Variants in CADM1 observed in about 807,000 individuals in gnomAD.
CADM1 encodes the protein TSLC-1.
In CADM1, 15 loss-of-function variants were observed where a neutral mutation model predicts 53.1. The ratio of observed to expected loss-of-function variants is 0.28; its 90% confidence interval spans 0.19 to 0.44. The LOEUF (loss-of-function observed/expected upper bound fraction) is 0.44. Among genes scored for constraint, CADM1 ranks in the 20% least tolerant of loss-of-function variants. CADM1 has a pLI of 1.00. For missense variants in CADM1, 434 were observed against 611.3 expected (o/e 0.71, Z 3.06); for synonymous variants, 281 against 243.0 (o/e 1.16, Z -1.45).
chr11:115,428,571 C>A (rs1319388969), intron 1 of CADM1, among the ~76,000 whole-genome samples: 1 of 152,050 alleles, frequency 6.6e-6, no homozygotes, highest in African/African-American at 2.4e-5. Context: ...AGCTCTTATT[C>A]CCCAAATCAA....
chr11:115,228,733 C>T (rs922646432), intron 5 of CADM1, among the ~76,000 whole-genome samples: 8 of 151,556 alleles, frequency 5.3e-5, no homozygotes, highest in African/African-American at 9.7e-5. Flanking sequence ...AAAATGCCGA[C>T]GTAAATGGGA....
chr11:115,176,409 T>C lies in CADM1; in HGVS notation c.*65A>G. 1 of 1,605,178 alleles carries C rather than the reference T, an allele frequency of 6.2e-7. No homozygotes were observed. Among genetic ancestry groups the C allele is most frequent in the Non-Finnish European group, 8.5e-7 (1 of 1,174,396 alleles). ...CACACGAATTTCTCGCAAGTTCCAA[T>C]ATCACTGTCTCTTTATCATCTAAAT... On this transcript the variant is annotated 3_prime_UTR_variant, in exon 12 of 12. Coordinates refer to ENST00000331581, the MANE Select transcript of CADM1 (RefSeq NM_001301043.2).
chr11:115,472,343 G>A (rs1008199094), intron 1 of CADM1, among the ~76,000 whole-genome samples: 1 of 152,180 alleles, frequency 6.6e-6, no homozygotes, highest in African/African-American at 2.4e-5. Context: ...AAGAAAGTTG[G>A]ATCTGTGACA....
At chr11:115,278,462 T>C (rs1452962192) in intron 1 of CADM1, among the ~76,000 whole-genome samples, 1 of 152,002 alleles carries the variant, frequency 6.6e-6, no homozygotes, top group East Asian at 1.9e-4. Flanking sequence ...AAAGGACTGG[T>C]AGGAGTTAAG....
intron 5 of CADM1, 108 bp downstream of exon 5, chr11:115,229,005 G>A (rs1391973440): frequency 3.0e-6 from 3 of 1,011,308 alleles, no homozygotes; most frequent in Non-Finnish European, 4.5e-6. Context: ...GCAAAAATAA[G>A]AATTCTATGT....
chr11:115,414,681 A>G (rs1035668902), intron 1 of CADM1, among the ~76,000 whole-genome samples: 1 of 151,080 alleles, frequency 6.6e-6, no homozygotes, highest in African/African-American at 2.4e-5. Flanking sequence ...GAATAAATTC[A>G]GGCTAAACAC....
At position 115,209,670 on chromosome 11, in the gene CADM1, A is replaced by G. The variant is rs1274763029; in HGVS notation, c.995-13T>C. On this transcript the variant is annotated splice_polypyrimidine_tract_variant and intron_variant, in intron 7 of 11. Transcript: ENST00000331581. Reference sequence around the variant, plus strand: ...GTTGTGGGGGGATCTGGATAGAAAAAAAAAGGAAAATCAAACCCACAATGC... The same window carrying G: ...GTTGTGGGGGGATCTGGATAGAAAAGAAAAGGAAAATCAAACCCACAATGC... 3 of 1,612,420 alleles carry G rather than the reference A, an allele frequency of 1.9e-6. No individual in the cohort carries two copies. In the African/African-American group the frequency reaches 4.0e-5, roughly 22 times the overall value.
chr11:115,192,720 C>A (rs1939940479), intron 9 of CADM1, among the ~76,000 whole-genome samples: 1 of 152,074 alleles, frequency 6.6e-6, no homozygotes, highest in Admixed American at 6.6e-5. Flanking sequence ...GGCTTATTTC[C>A]TCGGGGAGGG....
chr11:115,450,355 C>T (rs543047096), intron 1 of CADM1, among the ~76,000 whole-genome samples: 1 of 152,250 alleles, frequency 6.6e-6, no homozygotes, highest in African/African-American at 2.4e-5. Flanking sequence ...TCCAGGCCTC[C>T]CACAGTTTTT....
intron 1 of CADM1, among the ~76,000 whole-genome samples, chr11:115,341,269 G>A (rs192801790): frequency 1.0e-3 from 153 of 152,194 alleles, no homozygotes; most frequent in Non-Finnish European, 1.6e-3. Context: ...TATTATTTCA[G>A]TGACTAGGAT....
intron 1 of CADM1, among the ~76,000 whole-genome samples, chr11:115,267,383 AT>A (rs1169302619): frequency 1.3e-5 from 2 of 152,214 alleles, no homozygotes; most frequent in Admixed American, 6.5e-5. Context: ...CAAGAGCTTC[AT>A]TTTTAGCAGC....
chr11:115,396,404 A>T (rs2135198226), intron 1 of CADM1, among the ~76,000 whole-genome samples: 1 of 152,308 alleles, frequency 6.6e-6, no homozygotes, highest in Admixed American at 6.5e-5. Context: ...CTCTTCAGAG[A>T]GCCAGGGTTG....
chr11:115,189,436 G>T (rs1939734981), intron 10 of CADM1, among the ~76,000 whole-genome samples: 1 of 152,202 alleles, frequency 6.6e-6, no homozygotes, highest in Non-Finnish European at 1.5e-5. Context: ...TCTTTGAGAA[G>T]ATCCAATTGC....
intron 1 of CADM1, among the ~76,000 whole-genome samples, chr11:115,250,454 T>G (rs1412076322): frequency 6.6e-6 from 1 of 152,130 alleles, no homozygotes; most frequent in East Asian, 1.9e-4. Context: ...TAACAACTAG[T>G]GTAAGATATT....
chr11:115,300,509 A>G (rs1278405752), intron 1 of CADM1, among the ~76,000 whole-genome samples: 1 of 152,130 alleles, frequency 6.6e-6, no homozygotes, highest in African/African-American at 2.4e-5. Flanking sequence ...TTTTATACCA[A>G]TATACAGTGA....
At chr11:115,349,746 T>C (rs1018377887) in intron 1 of CADM1, among the ~76,000 whole-genome samples, 2 of 152,198 alleles carry the variant, frequency 1.3e-5, no homozygotes, top group African/African-American at 4.8e-5. Flanking sequence ...GACAAGAAGA[T>C]CCCAGTTCAA....
At chr11:115,434,128 T>C (rs747343428) in intron 1 of CADM1, among the ~76,000 whole-genome samples, 6 of 152,312 alleles carry the variant, frequency 3.9e-5, no homozygotes, top group Non-Finnish European at 8.8e-5. Context: ...TAGTAAGGAC[T>C]TTCACACTGG....
intron 1 of CADM1, among the ~76,000 whole-genome samples, chr11:115,410,904 CAT>C (rs1160067293): frequency 6.6e-6 from 1 of 152,112 alleles, no homozygotes; most frequent in African/African-American, 2.4e-5. Flanking sequence ...AAAAAACAAT[CAT>C]AATCCATTTG....
chr11:115,224,599 C>T (rs546591927), intron 5 of CADM1, among the ~76,000 whole-genome samples: 68 of 152,210 alleles, frequency 4.5e-4, no homozygotes, highest in African/African-American at 1.5e-3. Flanking sequence ...TGGGTGAAAG[C>T]AGAAGCCACA....
Sources: gnomAD v4.1 joint callset for allele counts (sites outside exome capture counted in the v4.1 genomes callset) on GRCh38, gnomAD v4.1.1 for gene constraint, MANE v1.5 for transcripts, NCBI Gene and HGNC (gene_info 2026-07-23, HGNC 2026-07-21) for gene names.